The following LRRC53 variants were observed in gnomAD, a reference collection of about 807,000 sequenced individuals.
LRRC53 encodes leucine rich repeat containing 53.
In LRRC53, 25 loss-of-function variants were observed where a neutral mutation model predicts 13.6. That is an observed-to-expected ratio of 1.83 (90% CI 1.34 to 2.56). The LOEUF is 2.56. LRRC53 is among the 30% of genes most tolerant of loss of function. LRRC53 has a pLI of 0.00. For missense variants in LRRC53, 527 were observed against 275.8 expected (o/e 1.91, Z -6.45); for synonymous variants, 204 against 109.8 (o/e 1.86, Z -5.37).
intron 2 of LRRC53, 21 bp downstream of exon 2, chr1:74,483,241 T>C (rs1355369926): frequency 9.8e-6 from 7 of 716,640 alleles, no homozygotes; most frequent in Non-Finnish European, 1.8e-5. Flanking sequence ...CACTGCTTTT[T>C]AGAGTTATTA....
At chr1:74,486,939 G>A (rs1321678060) in intron 1 of LRRC53, among the ~76,000 whole-genome samples, 1 of 152,152 alleles carries the variant, frequency 6.6e-6, no homozygotes, top group African/African-American at 2.4e-5. Flanking sequence ...ATTTAGCAAT[G>A]AGATCTTTGT....
At chr1:74,525,985 G>A in the LRRC53 span, among the ~76,000 whole-genome samples, 4 of 152,152 alleles carry the variant, frequency 2.6e-5, no homozygotes, top group Non-Finnish European at 5.9e-5. Flanking sequence ...GAGGAGGAGA[G>A]GAAAGCTTTG....
the LRRC53 span, among the ~76,000 whole-genome samples, chr1:74,523,208 T>C: frequency 6.6e-6 from 1 of 152,178 alleles, no homozygotes; most frequent in Non-Finnish European, 1.5e-5. Context: ...GCTGGGAAGA[T>C]TAAATAAGGA....
chr1:74,486,905 T>A (rs898467787), intron 1 of LRRC53, among the ~76,000 whole-genome samples: 1 of 152,176 alleles, frequency 6.6e-6, no homozygotes, highest in African/African-American at 2.4e-5. Context: ...CCAAGTGAAA[T>A]GACCACTGAG....
chr1:74,527,043 G>C, the LRRC53 span, among the ~76,000 whole-genome samples: 1 of 152,152 alleles, frequency 6.6e-6, no homozygotes, highest in Admixed American at 6.6e-5. Flanking sequence ...ATCCCTGCCT[G>C]CTCTAAAAGC....
intron 1 of LRRC53, among the ~76,000 whole-genome samples, chr1:74,496,157 C>A (rs140113736): frequency 1.3e-5 from 2 of 152,246 alleles, no homozygotes; most frequent in East Asian, 3.9e-4. Context: ...AATATACATC[C>A]AAGTATAAGA....
At chr1:74,514,258 A>G (rs949745527), upstream of LRRC53, among the ~76,000 whole-genome samples, 3 of 152,186 alleles carry the variant, frequency 2.0e-5, no homozygotes, top group Non-Finnish European at 4.4e-5. Context: ...GCTAGGAGCA[A>G]TTGTTTTAAA....
At chr1:74,517,753 G>A in the LRRC53 span, among the ~76,000 whole-genome samples, 4 of 152,226 alleles carry the variant, frequency 2.6e-5, no homozygotes, top group South Asian at 2.1e-4. Flanking sequence ...TTAGTTCATC[G>A]TCTCAATCAC....
At chr1:74,522,938 A>G in the LRRC53 span, among the ~76,000 whole-genome samples, 3 of 152,230 alleles carry the variant, frequency 2.0e-5, no homozygotes, top group Non-Finnish European at 4.4e-5. Flanking sequence ...TCTAACTCCA[A>G]GCCCAACTGC....
chr1:74,529,933 C>T, the LRRC53 span, among the ~76,000 whole-genome samples: 5,375 of 152,172 alleles, frequency 0.035, 319 homozygotes, highest in African/African-American at 0.12. Context: ...TGTCCTTTCT[C>T]CTGTGTTGAA....
Position 74,492,088 on chromosome 1 carries a change from T to A in LRRC53, c.-26-8713A>T, listed in dbSNP as rs756149659. 10 of 1,524,212 alleles carry A rather than the reference T, an allele frequency of 6.6e-6. No individual in the cohort carries two copies. In the South Asian group the frequency reaches 1.3e-4, roughly 20 times the overall value. 94.4% of individuals were successfully genotyped at this position (1,524,212 alleles called of 1,614,324 possible). A position where few individuals can be genotyped will look rare whatever the true frequency, so the allele number is the denominator to read the frequency against. ...ATTAAACAATTGAAATTGCCCCTCC[T>A]CCACTCAGCTGATGTCTCCTGCATC... On this transcript the variant is annotated intron_variant, in intron 1 of 4. Transcript: ENST00000294635.
At position 74,470,630 on chromosome 1, in the gene LRRC53, G is replaced by GT. The variant is rs1293325568; in HGVS notation, c.2991dup (p.Leu998ThrfsTer8). On this transcript the variant is annotated frameshift_variant, in exon 5 of 5. Transcript: ENST00000294635. LOFTEE classifies it low-confidence loss of function (END_TRUNC). Reference sequence around the variant, plus strand: ...GAATCATAAGTTTCTGTTTTTGAAAGTTTTTTTTCTACATCATTTTCTTCC... The same window carrying GT: ...GAATCATAAGTTTCTGTTTTTGAAAGTTTTTTTTTCTACATCATTTTCTTCC... 14 of 400,280 alleles carry GT rather than the reference G, an allele frequency of 3.5e-5. No homozygotes were observed. The East Asian group carries it at 5.0e-4, about 14-fold the overall frequency. The allele number at this position is 400,280 out of a possible 1,614,324, so 24.8% of individuals were successfully genotyped here.
rs1356701372 is a variant in LRRC53 at position 74,471,904 on chromosome 1, A to T, written c.1718T>A (p.Ile573Asn). Reference protein sequence around the residue: ...PRYFQPNNSLICKYVPCEQFE... With the variant: ...PRYFQPNNSLNCKYVPCEQFE... Reference sequence around the variant, plus strand: ...TTGCTCACAGGGCACATATTTACAGATAAGAGAATTGTTTGGCTGAAAATA... The same window carrying T: ...TTGCTCACAGGGCACATATTTACAGTTAAGAGAATTGTTTGGCTGAAAATA... Residue 573 changes from isoleucine (I) to asparagine (N), a missense_variant, in exon 5 of 5, where the codon ATC becomes AAC. Ile to Asn is a moderately radical substitution (Grantham distance 149, BLOSUM62 -3). Transcript: ENST00000294635. 4.0e-6 allele frequency: 2 copies of T among 503,202 alleles called. No individual in the cohort carries two copies. Among genetic ancestry groups the T allele is most frequent in the Non-Finnish European group, 7.0e-6 (2 of 283,964 alleles). The allele number at this position is 503,202 out of a possible 1,614,324, so 31.2% of individuals were successfully genotyped here. A position where few individuals can be genotyped will look rare whatever the true frequency, so the allele number is the denominator to read the frequency against.
chr1:74,499,172 C>A (rs890902154), intron 1 of LRRC53, among the ~76,000 whole-genome samples: 4 of 152,160 alleles, frequency 2.6e-5, no homozygotes, highest in Admixed American at 2.6e-4. Flanking sequence ...CTTTACTTTT[C>A]CTGCAAATGG....
chr1:74,516,533 G>A (rs1027047402), upstream of LRRC53, among the ~76,000 whole-genome samples: 3 of 152,130 alleles, frequency 2.0e-5, no homozygotes, highest in African/African-American at 7.2e-5. Context: ...TGTAGAGCCT[G>A]CCTATATGAG....
At chr1:74,522,950 C>T in the LRRC53 span, among the ~76,000 whole-genome samples, 1 of 152,182 alleles carries the variant, frequency 6.6e-6, no homozygotes, top group Admixed American at 6.5e-5. Context: ...CCCAACTGCC[C>T]ACTGGAAATT....
At chr1:74,517,307 G>C (rs552367213), upstream of LRRC53, among the ~76,000 whole-genome samples, 2 of 152,290 alleles carry the variant, frequency 1.3e-5, no homozygotes, top group Non-Finnish European at 2.9e-5. Context: ...ACGTTCATTA[G>C]AATTTTCACT....
Position 74,480,977 on chromosome 1 carries a change from A to G in LRRC53, c.89-9T>C, listed in dbSNP as rs1206455506. ...CGTGGTCATAGGGGCTGCTGTGGGG[A>G]AAAAAGCACAGACTAGATGCAGGGT... On this transcript the variant is annotated splice_polypyrimidine_tract_variant and intron_variant, in intron 2 of 4. Transcript: ENST00000294635. 3.4e-5 allele frequency: 24 copies of G among 701,076 alleles called. No homozygotes were observed. Among genetic ancestry groups the G allele is most frequent in the Admixed American group, 2.8e-4 (14 of 49,148 alleles). 43.4% of individuals were successfully genotyped at this position (701,076 alleles called of 1,614,324 possible).
chr1:74,506,659 C>T (rs1278500006), intron 1 of LRRC53, among the ~76,000 whole-genome samples: 1 of 152,222 alleles, frequency 6.6e-6, no homozygotes, highest in Admixed American at 6.5e-5. Flanking sequence ...TCAGGCCCCA[C>T]ACCGGACCTG....
Sources: gnomAD v4.1 joint callset for allele counts (sites outside exome capture counted in the v4.1 genomes callset) on GRCh38, gnomAD v4.1.1 for gene constraint, MANE v1.5 for transcripts, NCBI Gene and HGNC (gene_info 2026-07-23, HGNC 2026-07-21) for gene names.